LIMS1: variants seen among roughly 807,000 people sequenced by gnomAD.
LIMS1 encodes LIM zinc finger domain containing 1, also known as LIM and senescent cell antigen-like-containing domain protein 1.
In LIMS1, 18 loss-of-function variants were observed where a neutral mutation model predicts 44.1. The observed-to-expected ratio is 0.41, with a 90% CI of 0.28 to 0.61. The LOEUF (loss-of-function observed/expected upper bound fraction) is 0.61. Ranked by LOEUF, LIMS1 falls within the 20% of genes least tolerant of loss-of-function variation. The pLI, the probability that LIMS1 is intolerant of heterozygous loss-of-function variation, is 0.32. For synonymous variants in LIMS1, 93 were observed against 149.1 expected (o/e 0.62, Z 2.74); for missense variants, 201 against 422.0 (o/e 0.48, Z 4.59).
At chr2:108,587,290 TTGTG>T (rs58815332) in intron 1 of LIMS1, among the ~76,000 whole-genome samples, 9,195 of 105,442 alleles carry the variant, frequency 0.087, 298 homozygotes, top group Non-Finnish European at 0.095. Flanking sequence ...TTCTTGGGGT[TTGTG>T]TGTGTGTGTG....
Position 108,680,801 on chromosome 2 carries a change from C to G in LIMS1, c.899+31C>G, listed in dbSNP as rs577916727. ...TGTACGGTTTTGTCCAGTGTGAATC[C>G]TAAGACTGAAAACTTTGGGGAGACA... On this transcript the variant is annotated intron_variant, in intron 9 of 9. Transcript: ENST00000544547. 122 of 1,591,306 alleles carry G rather than the reference C, an allele frequency of 7.7e-5. 1 individual carries two copies. In the South Asian group the frequency reaches 1.3e-3, roughly 18 times the overall value.
At chr2:108,585,986 G>A (rs1440543591) in intron 1 of LIMS1, among the ~76,000 whole-genome samples, 3 of 152,146 alleles carry the variant, frequency 2.0e-5, no homozygotes, top group Non-Finnish European at 2.9e-5. Flanking sequence ...GAGGTCAGGA[G>A]ATCGAGACCA....
intron 1 of LIMS1, among the ~76,000 whole-genome samples, chr2:108,566,547 G>C (rs1181919493): frequency 1.3e-5 from 2 of 152,122 alleles, no homozygotes; most frequent in East Asian, 3.8e-4. Context: ...ACTCTTTCCA[G>C]TGTATCATGC....
At chr2:108,666,811 A>AT (rs1691791387) in intron 2 of LIMS1, among the ~76,000 whole-genome samples, 1 of 152,116 alleles carries the variant, frequency 6.6e-6, no homozygotes. Flanking sequence ...AATAATAATA[A>AT]AATAAATTTT....
At chr2:108,624,427 T>G (rs538755752) in intron 1 of LIMS1, among the ~76,000 whole-genome samples, 2 of 152,294 alleles carry the variant, frequency 1.3e-5, no homozygotes, top group South Asian at 4.1e-4. Flanking sequence ...AGTACAAAAT[T>G]GAAGTTTCTC....
At chr2:108,546,061 C>T (rs534544531) in intron 1 of LIMS1, among the ~76,000 whole-genome samples, 16 of 152,258 alleles carry the variant, frequency 1.1e-4, no homozygotes, top group African/African-American at 3.1e-4. Context: ...GTCTAGTCTC[C>T]TACTTAATAA....
intron 1 of LIMS1, among the ~76,000 whole-genome samples, chr2:108,581,625 A>G (rs532126039): frequency 6.6e-6 from 1 of 152,270 alleles, no homozygotes; most frequent in Non-Finnish European, 1.5e-5. Flanking sequence ...TCTTTCTTAG[A>G]TGTTATTATG....
At chr2:108,568,853 C>T (rs930978355) in intron 1 of LIMS1, among the ~76,000 whole-genome samples, 1 of 152,010 alleles carries the variant, frequency 6.6e-6, no homozygotes, top group South Asian at 2.1e-4. Context: ...CTGTTAAATT[C>T]TTTGCCCATG....
chr2:108,668,378 T>C (rs1403920497), intron 2 of LIMS1, among the ~76,000 whole-genome samples: 1 of 152,074 alleles, frequency 6.6e-6, no homozygotes, highest in Non-Finnish European at 1.5e-5. Flanking sequence ...TCCACTCCAT[T>C]CTCCCCAGCC....
chr2:108,602,936 T>G (rs1687086983), intron 1 of LIMS1, among the ~76,000 whole-genome samples: 1 of 152,136 alleles, frequency 6.6e-6, no homozygotes, highest in South Asian at 2.1e-4. Flanking sequence ...TGGCTAATTT[T>G]TTGTATTTTT....
At chr2:108,630,859 C>A (rs1688878089) in intron 1 of LIMS1, among the ~76,000 whole-genome samples, 1 of 152,034 alleles carries the variant, frequency 6.6e-6, no homozygotes, top group Non-Finnish European at 1.5e-5. Flanking sequence ...GGCTGTCGTT[C>A]TATGGTAATC....
At chr2:108,681,694 AAGGATTGCCTGAGCCC>A in intron 9 of LIMS1, 1 of 583,668 alleles carries the variant, frequency 1.7e-6, no homozygotes, top group Non-Finnish European at 2.2e-6. Context: ...GGCAGAGTGG[AAGGATTGCCTGAGCCC>A]AGGATTTTGA....
intron 1 of LIMS1, among the ~76,000 whole-genome samples, chr2:108,604,041 A>G (rs867431556): frequency 6.6e-6 from 1 of 152,022 alleles, no homozygotes; most frequent in Middle Eastern, 3.2e-3. Flanking sequence ...TTCCATTATC[A>G]TGTGTTTCAA....
chr2:108,582,789 A>T (rs985425399), intron 1 of LIMS1, among the ~76,000 whole-genome samples: 5 of 152,144 alleles, frequency 3.3e-5, no homozygotes, highest in Non-Finnish European at 7.4e-5. Flanking sequence ...AAAAATAAAA[A>T]AGATACCATC....
intron 1 of LIMS1, among the ~76,000 whole-genome samples, chr2:108,557,944 T>C (rs1015620944): frequency 4.6e-5 from 7 of 152,226 alleles, no homozygotes; most frequent in African/African-American, 1.7e-4. Context: ...GTTATCTCTA[T>C]GATCTGTGAA....
chr2:108,608,469 C>T (rs532485289), intron 1 of LIMS1, among the ~76,000 whole-genome samples: 1 of 152,054 alleles, frequency 6.6e-6, no homozygotes, highest in Non-Finnish European at 1.5e-5. Context: ...CCACACCCAG[C>T]TAATTTTTAT....
At chr2:108,559,025 G>C (rs1262276864) in intron 1 of LIMS1, among the ~76,000 whole-genome samples, 1 of 152,168 alleles carries the variant, frequency 6.6e-6, no homozygotes. Context: ...AAGGCGCCGG[G>C]GGCAGCTTCT....
At chr2:108,667,209 T>A (rs990911618) in intron 2 of LIMS1, among the ~76,000 whole-genome samples, 2 of 152,138 alleles carry the variant, frequency 1.3e-5, no homozygotes, top group Non-Finnish European at 2.9e-5. Context: ...GACATCACTT[T>A]TAAGATTCCA....
intron 1 of LIMS1, among the ~76,000 whole-genome samples, chr2:108,642,205 A>G (rs1280751204): frequency 6.6e-6 from 1 of 151,990 alleles, no homozygotes; most frequent in Non-Finnish European, 1.5e-5. Context: ...CTTTTTCTAT[A>G]TTGGAGTCCT....
Sources: gnomAD v4.1 joint callset for allele counts (sites outside exome capture counted in the v4.1 genomes callset) on GRCh38, gnomAD v4.1.1 for gene constraint, MANE v1.5 for transcripts, NCBI Gene and HGNC (gene_info 2026-07-23, HGNC 2026-07-21) for gene names.